APP: variants seen among roughly 807,000 people sequenced by gnomAD.
APP encodes the protein amyloid-beta precursor protein.
A neutral mutation model predicts 101.4 loss-of-function variants in APP; 31 were observed. The ratio of observed to expected loss-of-function variants is 0.31; its 90% CI spans 0.23 to 0.41. APP has a LOEUF of 0.41. APP is among the 10% of genes least tolerant of loss of function. APP has a pLI of 1.00. For synonymous variants in APP, 366 were observed against 364.4 expected (o/e 1.00, Z -0.05); for missense variants, 839 against 1,003.7 (o/e 0.84, Z 2.22).
intron 5 of APP, among the ~76,000 whole-genome samples, chr21:26,036,878 T>C (rs1438751694): frequency 6.6e-6 from 1 of 152,206 alleles, no homozygotes; most frequent in Non-Finnish European, 1.5e-5. Flanking sequence ...AAGAGGTATC[T>C]GCACTCCCAT....
In APP at chr21:26,044,530, A is replaced by ATTTC. The variant is rs549583619; in HGVS notation, c.662+6466_662+6469dup. The stretch of plus-strand genomic sequence containing the variant: ...TCAAGAATTGACAAGTGAGCAATGT[A>ATTTC]TTTCTTTCTTTCTTTCTTTCTTTTT... On this transcript the variant is annotated intron_variant, in intron 5 of 17. Transcript: ENST00000346798. Among the ~76,000 whole-genome samples the ATTTC allele has an allele frequency of 9.8e-3, 1,497 of 152,056 alleles. 13 individuals are homozygous for ATTTC. Among genetic ancestry groups the ATTTC allele is most frequent in the Non-Finnish European group, 0.015 (1,043 of 67,936 alleles).
At chr21:25,940,172 C>T (rs1213869585) in intron 13 of APP, among the ~76,000 whole-genome samples, 1 of 152,024 alleles carries the variant, frequency 6.6e-6, no homozygotes, top group African/African-American at 2.4e-5. Context: ...GTAAACTAAA[C>T]AGGAGTCAGA....
At chr21:25,986,720 T>C (rs934572066) in intron 8 of APP, among the ~76,000 whole-genome samples, 3 of 151,652 alleles carry the variant, frequency 2.0e-5, no homozygotes, top group East Asian at 3.9e-4. Flanking sequence ...AACAAACAAA[T>C]AAATAAAGGC....
At chr21:25,897,211 C>T (rs1288640574) in intron 16 of APP, among the ~76,000 whole-genome samples, 1 of 151,986 alleles carries the variant, frequency 6.6e-6, no homozygotes, top group Non-Finnish European at 1.5e-5. Context: ...CTCCTGGGTT[C>T]AAGCAAGTCT....
At chr21:26,131,887 C>T (rs150404692) in intron 1 of APP, among the ~76,000 whole-genome samples, 4 of 151,102 alleles carry the variant, frequency 2.6e-5, no homozygotes, top group Non-Finnish European at 5.9e-5. Flanking sequence ...CTACTGGAAT[C>T]GTGATAGTTG....
chr21:25,907,156 A>AT (rs1279419362), intron 14 of APP, among the ~76,000 whole-genome samples: 1 of 151,348 alleles, frequency 6.6e-6, no homozygotes, highest in East Asian at 1.9e-4. Flanking sequence ...TTCTTCTTCT[A>AT]TTTTTTTAAA....
intron 7 of APP, 30 bp downstream of exon 7, chr21:25,999,985 G>T (rs2043219288): frequency 6.2e-7 from 1 of 1,612,260 alleles, no homozygotes; most frequent in Non-Finnish European, 8.5e-7. Flanking sequence ...GAGACGAAAG[G>T]TGGCCAGGCT....
intron 1 of APP, among the ~76,000 whole-genome samples, chr21:26,165,601 T>C (rs1041051933): frequency 2.0e-5 from 3 of 152,210 alleles, no homozygotes; most frequent in Non-Finnish European, 4.4e-5. Flanking sequence ...TTCAACATTA[T>C]AAATTGAGAA....
intron 17 of APP, among the ~76,000 whole-genome samples, chr21:25,883,512 A>G (rs2037128556): frequency 6.6e-6 from 1 of 152,166 alleles, no homozygotes; most frequent in African/African-American, 2.4e-5. Context: ...CAACATAGTG[A>G]AACCCCATCT....
chr21:26,170,249 C>G (rs1176429949), intron 1 of APP, among the ~76,000 whole-genome samples: 1 of 152,158 alleles, frequency 6.6e-6, no homozygotes, highest in Admixed American at 6.5e-5. Flanking sequence ...TCCCCCGACC[C>G]CCGCTTCCAA....
At chr21:25,918,002 G>C (rs539605134) in intron 13 of APP, among the ~76,000 whole-genome samples, 1 of 152,242 alleles carries the variant, frequency 6.6e-6, no homozygotes, top group African/African-American at 2.4e-5. Flanking sequence ...ACACCAGTTG[G>C]GATGGTGATC....
intron 13 of APP, among the ~76,000 whole-genome samples, chr21:25,913,297 A>G (rs1278512059): frequency 6.6e-6 from 1 of 152,368 alleles, no homozygotes; most frequent in Non-Finnish European, 1.5e-5. Flanking sequence ...GGAAGTCCCA[A>G]GCAAATTAGT....
chr21:25,972,038 A>G (rs4816270), intron 11 of APP, among the ~76,000 whole-genome samples: 24,367 of 152,292 alleles, frequency 0.16, 2,203 homozygotes, highest in South Asian at 0.32. Context: ...GCCACATGTA[A>G]TAATAAGCAA....
intron 8 of APP, among the ~76,000 whole-genome samples, chr21:25,991,878 C>A (rs2042880538): frequency 6.6e-6 from 1 of 152,118 alleles, no homozygotes; most frequent in African/African-American, 2.4e-5. Flanking sequence ...ATCCACTTAC[C>A]CTCTTTTGGC....
At chr21:26,109,709 G>T (rs191771211) in intron 2 of APP, among the ~76,000 whole-genome samples, 1 of 62,570 alleles carries the variant, frequency 1.6e-5, no homozygotes, top group Non-Finnish European at 3.1e-5. Context: ...GGTGTTCCTG[G>T]GGTCAAGAAG....
chr21:25,897,767 T>C, intron 15 of APP, 94 bp from the exon 16 acceptor site: 1 of 1,034,822 alleles, frequency 9.7e-7, no homozygotes, highest in Non-Finnish European at 1.5e-6. Flanking sequence ...AAAACTTCTT[T>C]CTAGGCCTGA....
chr21:26,025,050 C>T (rs994684245), intron 5 of APP, among the ~76,000 whole-genome samples: 1 of 152,088 alleles, frequency 6.6e-6, no homozygotes, highest in Non-Finnish European at 1.5e-5. Flanking sequence ...AACACTGGCA[C>T]TGAAAATCAG....
At chr21:25,894,074 A>C (rs974258972) in intron 16 of APP, among the ~76,000 whole-genome samples, 1 of 152,224 alleles carries the variant, frequency 6.6e-6, no homozygotes, top group Non-Finnish European at 1.5e-5. Flanking sequence ...AACTGGGATG[A>C]CAGCACATCT....
At chr21:25,942,859 T>C (rs1476271374) in intron 13 of APP, among the ~76,000 whole-genome samples, 2 of 152,162 alleles carry the variant, frequency 1.3e-5, no homozygotes, top group Admixed American at 6.5e-5. Flanking sequence ...TGCTGTGCAA[T>C]GTGATGGACG....
Sources: allele counts gnomAD v4.1 joint callset (sites outside exome capture counted in the v4.1 genomes callset), GRCh38; gene constraint gnomAD v4.1.1; transcripts MANE v1.5; gene names NCBI Gene and HGNC (gene_info 2026-07-23, HGNC 2026-07-21).